NEK8: variants seen among roughly 807,000 people sequenced by gnomAD.
NEK8 encodes the protein NIMA related kinase 8, also known as serine/threonine-protein kinase Nek8.
Under a neutral mutation model 77.2 loss-of-function variants are expected in NEK8, and 51 were observed. That is an observed-to-expected ratio of 0.66 (90% CI 0.53 to 0.83). The LOEUF (loss-of-function observed/expected upper bound fraction) is 0.83. Ranked by LOEUF, NEK8 falls within the 40% of genes least tolerant of loss-of-function variation. The pLI is 0.00. For synonymous variants in NEK8, 365 were observed against 363.2 expected (o/e 1.00, Z -0.06); for missense variants, 787 against 909.2 (o/e 0.87, Z 1.73).
intron 9 of NEK8, 38 bp downstream of exon 9, chr17:28,738,785 G>A (rs781539564): frequency 6.6e-7 from 1 of 1,521,612 alleles, no homozygotes; most frequent in South Asian, 1.1e-5. Flanking sequence ...GGAAGTCGGG[G>A]GATGGCGGGG....
rs2034348395 is a variant in NEK8, at chr17:28,734,963, G to C, written c.445G>C (p.Gly149Arg). Residue 149 changes from glycine to arginine, a missense_variant, in exon 3 of 15, where the codon GGC (glycine) becomes CGC (arginine). Gly to Arg is a moderately radical substitution (Grantham distance 125). Transcript: ENST00000268766. ...CATGGTCGTCAAGATCGGTGATTTCGGCATCTCCAAGATCCTTAGCAGCAA... is the reference window on the plus strand; with the variant it reads ...CATGGTCGTCAAGATCGGTGATTTCCGCATCTCCAAGATCCTTAGCAGCAA... Reference protein sequence around the residue: ...HRMVVKIGDFGISKILSSKSK... With the variant: ...HRMVVKIGDFRISKILSSKSK... 6.2e-7 allele frequency: 1 copy of C among 1,612,966 alleles called. No homozygotes were observed.
In NEK8 at chr17:28,740,390, C is replaced by A; in HGVS notation, c.1418-73C>A. Reference sequence around the variant, plus strand: ...GAGAACTCATGCTGTTCCCTCCCCTCAGTGGGCCCTCCTCATTCGGGCATC... The same window carrying A: ...GAGAACTCATGCTGTTCCCTCCCCTAAGTGGGCCCTCCTCATTCGGGCATC... On this transcript the variant is annotated intron_variant, in intron 10 of 14. Transcript: ENST00000268766. The surrounding 1 kb of genome is among the most constrained non-coding windows in gnomAD (Gnocchi z 4.7). 4 of 1,326,384 alleles carry A rather than the reference C, an allele frequency of 3.0e-6. No homozygotes were observed. The highest frequency in any genetic ancestry group is 1.2e-5 in the South Asian group (1 of 84,960). 82.2% of individuals were successfully genotyped at this position (1,326,384 alleles called of 1,614,324 possible). A position where few individuals can be genotyped will look rare whatever the true frequency, so the allele number is the denominator to read the frequency against.
In NEK8 at chr17:28,735,001, C is replaced by T; in HGVS notation, c.483C>T (p.Tyr161=). 2 of 1,609,240 alleles carry T rather than the reference C, an allele frequency of 1.2e-6. No homozygotes were observed. Among genetic ancestry groups the T allele is most frequent in the Non-Finnish European group, 1.7e-6 (2 of 1,177,742 alleles). Residue 161 remains tyrosine, a synonymous_variant, in exon 3 of 15, where the codon TAC becomes TAT. Transcript: ENST00000268766. ...TCCTTAGCAGCAAGAGCAAGGCCTA[C>T]ACGGTGCCTGGGCATGGAAGGGACC... ...SKILSSKSKA[Y]TVVGTPCYIS... is the part of the protein sequence containing the mutation.
Position 28,731,908 on chromosome 17 carries a change from A to ATTTTTTTTT in NEK8, c.48-2043_48-2035dup, listed in dbSNP as rs71135844. Among the ~76,000 whole-genome samples the ATTTTTTTTT allele has an allele frequency of 2.9e-4, 15 of 52,528 alleles. 2 individuals carry two copies. Among genetic ancestry groups the ATTTTTTTTT allele is most frequent in the East Asian group, 1.2e-3 (2 of 1,664 alleles). 34.5% of individuals were successfully genotyped at this position (52,528 alleles called of 152,430 possible). On this transcript the variant is annotated intron_variant, in intron 1 of 14. Transcript: ENST00000268766. ...GCGTGAGCCACCGCGCCTGGCCCCA[A>ATTTTTTTTT]TTTTTTTTTTTTTTTTTTTTTTTTT...
chr17:28,741,280 G>T lies in NEK8; in HGVS notation c.1891+44G>T. On this transcript the variant is annotated intron_variant, in intron 13 of 14. Transcript: ENST00000268766. The surrounding 1 kb of genome is among the most constrained non-coding windows in gnomAD (Gnocchi z 4.5). Reference sequence around the variant, plus strand: ...GGGGGCAGACAGTGCCATGAGCAGTGGGGGGTGGGGGTTGCTATTCAGGGC... The same window carrying T: ...GGGGGCAGACAGTGCCATGAGCAGTTGGGGGTGGGGGTTGCTATTCAGGGC... 1.3e-6 allele frequency: 2 copies of T among 1,592,480 alleles called. No individual in the cohort carries two copies. Among genetic ancestry groups the T allele is most frequent in the Non-Finnish European group, 1.7e-6 (2 of 1,167,434 alleles).
In NEK8 at chr17:28,741,660, C is replaced by T. The variant is rs1305045191; in HGVS notation, c.2050+89C>T. ...CCAGTGTTCACAGATGGCCACATCACCAAAAGCATCTTTAGCCCCCAGATA... is the reference window on the plus strand; with the variant it reads ...CCAGTGTTCACAGATGGCCACATCATCAAAAGCATCTTTAGCCCCCAGATA... On this transcript the variant is annotated intron_variant, in intron 14 of 14. Coordinates refer to ENST00000268766, the MANE Select transcript of NEK8 (RefSeq NM_178170.3). This position sits in a 1 kb window ranked among gnomAD's most constrained non-coding sequence, Gnocchi z 4.5. 3.6e-6 allele frequency: 5 copies of T among 1,400,542 alleles called. No homozygotes were observed. The East Asian group carries it at 9.1e-5, about 25-fold the overall frequency. 86.8% of individuals were successfully genotyped at this position (1,400,542 alleles called of 1,614,324 possible).
chr17:28,738,096 C>A lies in NEK8; in HGVS notation c.1073C>A (p.Ala358Asp). The change falls in exon 8 of 15, where the codon GCC becomes GAC. Residue 358 changes from alanine to aspartate, a missense_variant and splice_region_variant. By Grantham distance (126) the Ala-to-Asp change is moderately radical. Coordinates refer to ENST00000268766, the MANE Select transcript of NEK8 (RefSeq NM_178170.3). ...CTGCCCATCCCCCTGCCCCTGCAGG[C>A]CCCACCCCTAGGTGCAGGCGGAGGC... ...TRSGRLILWEAPPLGAGGGSL... is the reference protein window; with the variant it reads ...TRSGRLILWEDPPLGAGGGSL... The A allele has an allele frequency of 6.2e-7, 1 of 1,613,354 alleles. No homozygotes were observed. The highest frequency in any genetic ancestry group is 2.2e-5 in the East Asian group (1 of 44,872).
rs751761937 is a variant in NEK8 at position 28,737,642 on chromosome 17, G to T, written c.828-33G>T. ...TCCTGCATGTAGGAATGTCAGGAGG[G>T]TCTTTGTCCTTAGGCCCCCATCTGT... On this transcript the variant is annotated intron_variant, in intron 5 of 14. Transcript: ENST00000268766. This position sits in a 1 kb window ranked among gnomAD's most constrained non-coding sequence, Gnocchi z 4.8. 1 of 1,614,192 alleles carries T rather than the reference G, an allele frequency of 6.2e-7. No individual in the cohort carries two copies. Among genetic ancestry groups the T allele is most frequent in the South Asian group, 1.1e-5 (1 of 91,086 alleles).
chr17:28,735,688 C>T (rs1403719384), intron 4 of NEK8, among the ~76,000 whole-genome samples: 2 of 152,120 alleles, frequency 1.3e-5, no homozygotes, highest in East Asian at 3.9e-4. Flanking sequence ...CTAGGGATCA[C>T]TGAAAGCCAG....
At position 28,741,339 on chromosome 17, in the gene NEK8, G is replaced by A; in HGVS notation, c.1892-74G>A. On this transcript the variant is annotated intron_variant, in intron 13 of 14. Transcript: ENST00000268766. This position sits in a 1 kb window ranked among gnomAD's most constrained non-coding sequence, Gnocchi z 4.5. ...TCTGGAGCCTCCCAGGGGCCATCCT[G>A]GCAATGTGGGAGGGGAGATCCTGCT... The A allele has an allele frequency of 6.2e-7, 1 of 1,600,222 alleles. No individual in the cohort carries two copies. The highest frequency in any genetic ancestry group is 8.5e-7 in the Non-Finnish European group (1 of 1,172,430).
rs768482115 is a variant in NEK8, at chr17:28,737,353, T to C, written c.666T>C (p.Pro222=). Residue 222 remains proline (P), a synonymous_variant, in exon 5 of 15, where the codon CCT becomes CCC. Transcript: ENST00000268766. The surrounding 1 kb of genome is among the most constrained non-coding windows in gnomAD (Gnocchi z 4.8). ...AGATCATGAGTGGCACCTTTGCACC[T>C]ATCTCTGACCGGTACAGCCCTGAGC... ...VLKIMSGTFA[P]ISDRYSPELR... The C allele has an allele frequency of 4.5e-5, 73 of 1,613,830 alleles. No homozygotes were observed. Among genetic ancestry groups the C allele is most frequent in the Non-Finnish European group, 5.6e-5 (66 of 1,179,994 alleles).
rs764039936 is a variant in NEK8 at position 28,741,451 on chromosome 17, C to T, written c.1930C>T (p.Arg644Ter). ...VYSWGKGARG[R>*]LGRRDEDAGL... Reference sequence around the variant, plus strand: ...CTCTTGGGGCAAAGGGGCGCGAGGTCGATTGGGAAGGAGGGATGAGGATGC... The same window carrying T: ...CTCTTGGGGCAAAGGGGCGCGAGGTTGATTGGGAAGGAGGGATGAGGATGC... The change falls in exon 14 of 15, where the codon CGA becomes TGA. Residue 644 changes from arginine (R) to a stop codon, truncating the protein, a stop_gained. Transcript: ENST00000268766. LOFTEE classifies it high-confidence loss of function. This position sits in a 1 kb window ranked among gnomAD's most constrained non-coding sequence, Gnocchi z 4.5. The T allele has an allele frequency of 1.9e-6, 3 of 1,614,010 alleles. No individual in the cohort carries two copies. Among genetic ancestry groups the T allele is most frequent in the South Asian group, 1.1e-5 (1 of 91,082 alleles).
chr17:28,740,591 G>A lies in NEK8; in HGVS notation c.1546G>A (p.Ala516Thr). 6.2e-7 allele frequency: 1 copy of A among 1,614,220 alleles called. No individual in the cohort carries two copies. The highest frequency in any genetic ancestry group is 8.5e-7 in the Non-Finnish European group (1 of 1,180,044). The change falls in exon 11 of 15, where the codon GCC becomes ACC. Residue 516 changes from alanine (A) to threonine (T), a missense_variant. This residue lies in a region of NEK8 where 516 missense variants were observed against 544.0 expected (regional missense o/e 0.95). Coordinates refer to ENST00000268766, the MANE Select transcript of NEK8 (RefSeq NM_178170.3). This position sits in a 1 kb window ranked among gnomAD's most constrained non-coding sequence, Gnocchi z 4.7. ...SSMILTVPGQ[A>T]LACGSNRFNK... ...CATGATCCTCACTGTGCCTGGCCAAGCCCTAGCCTGTGGGAGCAACAGGTG... is the reference window on the plus strand; with the variant it reads ...CATGATCCTCACTGTGCCTGGCCAAACCCTAGCCTGTGGGAGCAACAGGTG...
chr17:28,739,297 C>T, intron 10 of NEK8, 96 bp downstream of exon 10: 2 of 840,490 alleles, frequency 2.4e-6, no homozygotes, highest in Non-Finnish European at 4.2e-6. Flanking sequence ...ATTCTCTCTT[C>T]CCTCTTTTCT....
At position 28,739,147 on chromosome 17, in the gene NEK8, G is replaced by A. The variant is rs146125605; in HGVS notation, c.1363G>A (p.Val455Met). 1.2e-5 allele frequency: 19 copies of A among 1,614,060 alleles called. No individual in the cohort carries two copies. The highest frequency in any genetic ancestry group is 5.5e-5 in the South Asian group (5 of 91,094). The change falls in exon 10 of 15, where the codon GTG (valine) becomes ATG (methionine). Residue 455 changes from valine (V) to methionine (M), a missense_variant. This residue lies in a region of NEK8 where 516 missense variants were observed against 544.0 expected (regional missense o/e 0.95). Transcript: ENST00000268766. ...MVQVACGASH[V>M]LALSTERELF... ...GCAGGTGGCCTGTGGGGCCTCTCAC[G>A]TGCTGGCCCTGTCCACTGAGCGAGA...
At chr17:28,736,926 C>T in intron 4 of NEK8, among the ~76,000 whole-genome samples, 1 of 152,170 alleles carries the variant, frequency 6.6e-6, no homozygotes, top group South Asian at 2.1e-4. Flanking sequence ...AGTCTTTAGT[C>T]CATCTTGAAT....
At chr17:28,739,231 C>T (rs1428203136) in intron 10 of NEK8, 30 bp downstream of exon 10, 18 of 1,439,418 alleles carry the variant, frequency 1.3e-5, no homozygotes, top group East Asian at 6.8e-5. Flanking sequence ...CCCCATCTCA[C>T]AGCATCCTCA....
chr17:28,731,229 C>T (rs2034303074), intron 1 of NEK8, among the ~76,000 whole-genome samples: 1 of 150,986 alleles, frequency 6.6e-6, no homozygotes, highest in African/African-American at 2.4e-5. Flanking sequence ...AAGAGTGAAA[C>T]TCTGTCTCAA....
At position 28,728,869 on chromosome 17, in the gene NEK8, G is replaced by A. The variant is rs991504654; in HGVS notation, c.47+9G>A. ...GGGAGAGGTGCCTTCGGGTGAGCCA[G>A]GGCTCTGGGGGAGGAAACTGCTAGG... On this transcript the variant is annotated intron_variant, in intron 1 of 14. Coordinates refer to ENST00000268766, the MANE Select transcript of NEK8 (RefSeq NM_178170.3). The A allele has an allele frequency of 3.2e-6, 5 of 1,548,888 alleles. No individual in the cohort carries two copies. In the African/African-American group the frequency reaches 6.8e-5, roughly 21 times the overall value.
Sources: allele counts gnomAD v4.1 joint callset (sites outside exome capture counted in the v4.1 genomes callset), GRCh38; gene constraint gnomAD v4.1.1; regional missense constraint gnomAD v4.1.1; non-coding constraint Gnocchi (gnomAD v3.1); transcripts MANE v1.5; gene names NCBI Gene and HGNC (gene_info 2026-07-23, HGNC 2026-07-21).